The following TGFBR2 variants were observed in gnomAD, a reference collection of about 807,000 sequenced individuals.
The protein encoded by TGFBR2 is transforming growth factor beta receptor 2.
In TGFBR2, 18 loss-of-function variants were observed where a neutral mutation model predicts 49.0. The ratio of observed to expected loss-of-function variants is 0.37; its 90% confidence interval spans 0.25 to 0.54. The LOEUF is 0.54. TGFBR2 is among the 20% of genes least tolerant of loss of function. The pLI is 0.85. For missense variants in TGFBR2, 525 were observed against 722.6 expected (o/e 0.73, Z 3.13); for synonymous variants, 282 against 275.9 (o/e 1.02, Z -0.22).
intron 5 of TGFBR2, among the ~76,000 whole-genome samples, chr3:30,686,247 C>T (rs1048398649): frequency 3.3e-5 from 5 of 152,172 alleles, no homozygotes; most frequent in Non-Finnish European, 7.3e-5. Context: ...CAGCCACTGC[C>T]TTGTGCCTTA....
Position 30,631,628 on chromosome 3 carries a change from T to C in TGFBR2, c.95-13119T>C, listed in dbSNP as rs1262453920. On this transcript the variant is annotated intron_variant, in intron 1 of 6. Coordinates refer to ENST00000295754, the MANE Select transcript of TGFBR2 (RefSeq NM_003242.6). ...AATACTTGCAACTTCTTTCTTTTTTTTTTTTTTTTTTTTTTACTTCCTCTG... is the reference window on the plus strand; with the variant it reads ...AATACTTGCAACTTCTTTCTTTTTTCTTTTTTTTTTTTTTTACTTCCTCTG... Among the ~76,000 whole-genome samples, 35 of 141,054 alleles carry C rather than the reference T, an allele frequency of 2.5e-4. 1 individual carries two copies. In the East Asian group the frequency reaches 4.5e-3, roughly 18 times the overall value. 92.5% of individuals were successfully genotyped at this position (141,054 alleles called of 152,430 possible).
intron 2 of TGFBR2, among the ~76,000 whole-genome samples, chr3:30,645,513 T>G (rs1698714925): frequency 8.1e-6 from 1 of 123,660 alleles, no homozygotes; most frequent in Admixed American, 8.2e-5. Context: ...TGAGATGGAG[T>G]CTTGCTCTGT....
At chr3:30,635,532 TTA>T (rs1335856653) in intron 1 of TGFBR2, among the ~76,000 whole-genome samples, 1 of 152,206 alleles carries the variant, frequency 6.6e-6, no homozygotes, top group Non-Finnish European at 1.5e-5. Flanking sequence ...CTCAGTTATT[TTA>T]TGTTTGTCAC....
intron 1 of TGFBR2, among the ~76,000 whole-genome samples, chr3:30,622,413 C>A (rs1698245466): frequency 6.6e-6 from 1 of 152,054 alleles, no homozygotes; most frequent in Non-Finnish European, 1.5e-5. Context: ...TGGTGGTCAC[C>A]AAGATGCAAT....
chr3:30,661,147 A>C (rs575394973), intron 3 of TGFBR2, among the ~76,000 whole-genome samples: 60 of 152,370 alleles, frequency 3.9e-4, no homozygotes, highest in African/African-American at 1.4e-3. Flanking sequence ...TGTAATTCAG[A>C]CAGCCAGCCA....
At chr3:30,688,305 C>G in intron 5 of TGFBR2, 79 bp from the exon 6 acceptor site, 1 of 1,594,866 alleles carries the variant, frequency 6.3e-7, no homozygotes, top group Non-Finnish European at 8.6e-7. Context: ...GCTCCCCAGC[C>G]AGGCATCTCA....
chr3:30,623,086 A>T (rs553936117), intron 1 of TGFBR2: 9 of 688,876 alleles, frequency 1.3e-5, no homozygotes, highest in Non-Finnish European at 2.4e-5. Flanking sequence ...ATAATCTTTT[A>T]ATAATCTCAC....
chr3:30,626,476 T>C (rs1434872015), intron 1 of TGFBR2: 2 of 152,248 alleles, frequency 1.3e-5, no homozygotes. Context: ...AAAGGCTGGG[T>C]ATGATTTAAG....
chr3:30,663,026 T>C lies in TGFBR2; in HGVS notation c.455-8612T>C, dbSNP rs140609038. ...CCAGTAAGTTCCCAGGGGATGCTGA[T>C]GACTGCTGGTCTGCGGGCACACTTA... On this transcript the variant is annotated intron_variant, in intron 3 of 6. Coordinates refer to ENST00000295754, the MANE Select transcript of TGFBR2 (RefSeq NM_003242.6). Among the ~76,000 whole-genome samples, 880 of 152,362 alleles carry C rather than the reference T, an allele frequency of 5.8e-3. 9 individuals carry two copies. The highest frequency in any genetic ancestry group is 0.02 in the African/African-American group (848 of 41,588).
At chr3:30,612,362 A>G (rs1256926281) in intron 1 of TGFBR2, among the ~76,000 whole-genome samples, 2 of 151,998 alleles carry the variant, frequency 1.3e-5, no homozygotes, top group Non-Finnish European at 2.9e-5. Context: ...GCATGCTGCT[A>G]GGTTCTTTCG....
chr3:30,640,744 A>G (rs1293646710), intron 1 of TGFBR2, among the ~76,000 whole-genome samples: 2 of 152,224 alleles, frequency 1.3e-5, no homozygotes, highest in East Asian at 1.9e-4. Flanking sequence ...CTGCCTTAAT[A>G]TAAGAATATC....
chr3:30,645,105 G>T (rs887811274), intron 2 of TGFBR2, among the ~76,000 whole-genome samples, 190 bp downstream of exon 2: 1 of 151,862 alleles, frequency 6.6e-6, no homozygotes, highest in Admixed American at 6.6e-5. Context: ...GTATGTGTAC[G>T]TTTATGTGGG....
chr3:30,685,061 G>A (rs1193560921), intron 5 of TGFBR2, among the ~76,000 whole-genome samples: 4 of 152,092 alleles, frequency 2.6e-5, no homozygotes, highest in Non-Finnish European at 5.9e-5. Flanking sequence ...TGACAGCTGG[G>A]GTTTATTCTG....
intron 6 of TGFBR2, among the ~76,000 whole-genome samples, chr3:30,689,400 A>G (rs1361402779): frequency 6.6e-6 from 1 of 152,222 alleles, no homozygotes; most frequent in Non-Finnish European, 1.5e-5. Flanking sequence ...TCTACTGACT[A>G]AAACCTTTTA....
At chr3:30,679,832 T>C (rs1305644340) in intron 5 of TGFBR2, among the ~76,000 whole-genome samples, 1 of 152,182 alleles carries the variant, frequency 6.6e-6, no homozygotes, top group Non-Finnish European at 1.5e-5. Context: ...GTATTTAAAA[T>C]AGTAGCTATG....
At chr3:30,630,248 T>C (rs533186715) in intron 1 of TGFBR2, among the ~76,000 whole-genome samples, 1 of 152,302 alleles carries the variant, frequency 6.6e-6, no homozygotes, top group South Asian at 2.1e-4. Flanking sequence ...ATAGATAAGA[T>C]TCAGTGTGGG....
In TGFBR2 at chr3:30,644,611, A is replaced by G. The variant is rs1698696942; in HGVS notation, c.95-136A>G. 6 of 802,438 alleles carry G rather than the reference A, an allele frequency of 7.5e-6. No individual in the cohort carries two copies. In the South Asian group the frequency reaches 8.8e-5, roughly 12 times the overall value. The allele number at this position is 802,438 out of a possible 1,614,324, so 49.7% of individuals were successfully genotyped here. A position where few individuals can be genotyped will look rare whatever the true frequency, so the allele number is the denominator to read the frequency against. Reference sequence around the variant, plus strand: ...ACCAGATAATTCTAATCTGATGTGAAGGAATTATTTTGCCTTTCTTCAGAT... The same window carrying G: ...ACCAGATAATTCTAATCTGATGTGAGGGAATTATTTTGCCTTTCTTCAGAT... On this transcript the variant is annotated intron_variant, in intron 1 of 6. Transcript: ENST00000295754.
chr3:30,653,249 A>C (rs1243439897), intron 3 of TGFBR2, among the ~76,000 whole-genome samples: 22 of 57,656 alleles, frequency 3.8e-4, no homozygotes, highest in South Asian at 7.7e-4. Flanking sequence ...AGGAATGAAA[A>C]CTTTTTTTTT....
At chr3:30,646,226 G>A (rs1307054927) in intron 2 of TGFBR2, among the ~76,000 whole-genome samples, 4 of 152,190 alleles carry the variant, frequency 2.6e-5, no homozygotes, top group Admixed American at 2.0e-4. Flanking sequence ...CATACCACGG[G>A]ATGAACTGGT....
Sources: allele counts gnomAD v4.1 joint callset (sites outside exome capture counted in the v4.1 genomes callset), GRCh38; gene constraint gnomAD v4.1.1; transcripts MANE v1.5; gene names NCBI Gene and HGNC (gene_info 2026-07-23, HGNC 2026-07-21).